Variants in TPH1 observed in about 807,000 individuals in gnomAD.
TPH1 encodes tryptophan 5-hydroxylase 1.
Under a neutral mutation model 49.5 loss-of-function variants are expected in TPH1, and 37 were observed. The ratio of observed to expected loss-of-function variants is 0.75; its 90% CI spans 0.58 to 0.98. The LOEUF (loss-of-function observed/expected upper bound fraction) is 0.98. TPH1 is among the 50% of genes least tolerant of loss of function. TPH1 has a pLI of 0.00. For missense variants in TPH1, 487 were observed against 523.6 expected (o/e 0.93, Z 0.68); for synonymous variants, 160 against 182.1 (o/e 0.88, Z 0.98).
chr11:18,025,774 G>A (rs946894949), intron 7 of TPH1, 73 bp from the exon 8 acceptor site: 103 of 1,575,404 alleles, frequency 6.5e-5, no homozygotes, highest in African/African-American at 1.1e-4. Context: ...CAATCAAATC[G>A]AAATCCAATA....
intron 1 of TPH1, 67 bp from the exon 2 acceptor site, chr11:18,040,855 C>A: frequency 7.0e-7 from 1 of 1,438,456 alleles, no homozygotes; most frequent in Non-Finnish European, 9.5e-7. Flanking sequence ...TATTTGATAA[C>A]TAAGGGCTCA....
intron 1 of TPH1, among the ~76,000 whole-genome samples, chr11:18,044,934 G>A (rs1038959466): frequency 3.9e-5 from 6 of 152,122 alleles, no homozygotes; most frequent in Non-Finnish European, 5.9e-5. Context: ...TTTTCCTACT[G>A]CGTCTCCTGG....
Position 18,023,964 on chromosome 11 carries a change from T to G in TPH1, c.950A>C (p.Glu317Ala), listed in dbSNP as rs1449651672. 2 of 1,612,832 alleles carry G rather than the reference T, an allele frequency of 1.2e-6. No homozygotes were observed. The highest frequency in any genetic ancestry group is 4.5e-5 in the East Asian group (2 of 44,806). ...KLATCYFFTV[E>A]FGLCKQDGQL... ...TCCATCTTGTTTACATAGACCAAACTCCACAGTGAAAAAGTAGCACTGCAA... is the reference window on the plus strand; with the variant it reads ...TCCATCTTGTTTACATAGACCAAACGCCACAGTGAAAAAGTAGCACTGCAA... The change falls in exon 9 of 11, where the codon GAG becomes GCG. Residue 317 changes from glutamate (E) to alanine (A), a missense_variant. Transcript: ENST00000682019.
At chr11:18,036,836 G>A (rs1848051956) in intron 2 of TPH1, among the ~76,000 whole-genome samples, 2 of 152,168 alleles carry the variant, frequency 1.3e-5, no homozygotes, top group Admixed American at 6.5e-5. Flanking sequence ...ACTAACCAGT[G>A]CATCCTAAAA....
At chr11:18,044,611 T>C (rs1156796195) in intron 1 of TPH1, among the ~76,000 whole-genome samples, 1 of 152,114 alleles carries the variant, frequency 6.6e-6, no homozygotes, top group Non-Finnish European at 1.5e-5. Flanking sequence ...GCCATAACTT[T>C]GCTTGGTTGA....
At chr11:18,038,692 G>C (rs1025536285) in intron 2 of TPH1, among the ~76,000 whole-genome samples, 2 of 152,204 alleles carry the variant, frequency 1.3e-5, no homozygotes, top group African/African-American at 4.8e-5. Flanking sequence ...ACTTTGGAAT[G>C]AAGAGAGATG....
chr11:18,033,411 A>T (rs751828281), intron 3 of TPH1, 37 bp from the exon 4 acceptor site: 30 of 1,451,034 alleles, frequency 2.1e-5, no homozygotes, highest in Non-Finnish European at 2.8e-5. Flanking sequence ...AAAAACCAGT[A>T]AAAGTTGAAG....
chr11:18,038,659 A>T (rs539206223), intron 2 of TPH1, among the ~76,000 whole-genome samples: 1 of 152,360 alleles, frequency 6.6e-6, no homozygotes, highest in South Asian at 2.1e-4. Flanking sequence ...TCTGCACACA[A>T]GGTTGCAAAA....
rs755655862 is a variant in TPH1 at position 18,026,550 on chromosome 11, C to T, written c.743G>A (p.Arg248Gln). Residue 248 changes from arginine to glutamine, a missense_variant, in exon 7 of 11, where the codon CGA becomes CAA. Coordinates refer to ENST00000682019, the MANE Select transcript of TPH1 (RefSeq NM_004179.3). ...PRDFLSGLAF[R>Q]VFHCTQYVRH... ...CACATATTGAGTGCAGTGAAAAACT[C>T]GAAAGGCTAAACCTGATAAGAAATC... 1.1e-5 allele frequency: 18 copies of T among 1,613,802 alleles called. No homozygotes were observed. Among genetic ancestry groups the T allele is most frequent in the Admixed American group, 3.3e-5 (2 of 59,968 alleles).
chr11:18,020,693 A>G lies in TPH1; in HGVS notation c.*298T>C, dbSNP rs184665926. On this transcript the variant is annotated 3_prime_UTR_variant, in exon 11 of 11. Transcript: ENST00000682019. ...AGTTAGGCTGAGATTAGATCTATCT[A>G]TTGGGTCAAACAACTTCTCTATTAA... 8.4e-6 allele frequency: 3 copies of G among 355,660 alleles called. No individual in the cohort carries two copies. Among genetic ancestry groups the G allele is most frequent in the African/African-American group, 2.1e-5 (1 of 47,824 alleles). 22.0% of individuals were successfully genotyped at this position (355,660 alleles called of 1,614,324 possible). A position where few individuals can be genotyped will look rare whatever the true frequency, so the allele number is the denominator to read the frequency against.
At chr11:18,036,775 A>G (rs1002840920) in intron 2 of TPH1, among the ~76,000 whole-genome samples, 1 of 152,196 alleles carries the variant, frequency 6.6e-6, no homozygotes, top group Admixed American at 6.5e-5. Flanking sequence ...TAATCACCCT[A>G]TAGTTTTTTC....
rs1031307666 is a variant in TPH1, at chr11:18,041,850, A to G, written c.-26-1062T>C. Among the ~76,000 whole-genome samples, 12 of 152,380 alleles carry G rather than the reference A, an allele frequency of 7.9e-5. 1 individual carries two copies. The East Asian group carries it at 1.9e-3, about 24-fold the overall frequency. On this transcript the variant is annotated intron_variant, in intron 1 of 10. Coordinates refer to ENST00000682019, the MANE Select transcript of TPH1 (RefSeq NM_004179.3). Reference sequence around the variant, plus strand: ...AATAATTACTAATGGTAAAACGAATAAAATTTCAACCCAAGCGCATTCACA... The same window carrying G: ...AATAATTACTAATGGTAAAACGAATGAAATTTCAACCCAAGCGCATTCACA...
chr11:18,033,120 G>T (rs556401648), intron 4 of TPH1, among the ~76,000 whole-genome samples, 154 bp downstream of exon 4: 1 of 152,124 alleles, frequency 6.6e-6, no homozygotes, highest in Admixed American at 6.5e-5. Flanking sequence ...GGGTGTGGTT[G>T]TGGGCACCTG....
In TPH1 at chr11:18,023,846, G is replaced by A. The variant is rs375470451; in HGVS notation, c.1026+42C>T. The A allele has an allele frequency of 1.1e-4, 162 of 1,468,550 alleles. 1 individual carries two copies. Among genetic ancestry groups the A allele is most frequent in the Middle Eastern group, 3.5e-4 (2 of 5,774 alleles). The allele number at this position is 1,468,550 out of a possible 1,614,324, so 91.0% of individuals were successfully genotyped here. On this transcript the variant is annotated intron_variant, in intron 9 of 10. Coordinates refer to ENST00000682019, the MANE Select transcript of TPH1 (RefSeq NM_004179.3). ...AACTATTTCAGGTTTTATCAATTAT[G>A]TTAGGTGAATATGGTTATATACAAA...
chr11:18,021,224 A>C, intron 10 of TPH1, 59 bp from the exon 11 acceptor site: 1 of 1,519,420 alleles, frequency 6.6e-7, no homozygotes, highest in Non-Finnish European at 9.1e-7. Context: ...ATGAAAACTA[A>C]ACAAACAACA....
At chr11:18,042,911 A>C (rs1848110961) in intron 1 of TPH1, among the ~76,000 whole-genome samples, 1 of 152,238 alleles carries the variant, frequency 6.6e-6, no homozygotes, top group African/African-American at 2.4e-5. Context: ...GTTTTGTATC[A>C]AGGTGATTTC....
chr11:18,035,962 C>T lies in TPH1; in HGVS notation c.298G>A (p.Asp100Asn), dbSNP rs763319015. 1 of 1,610,814 alleles carries T rather than the reference C, an allele frequency of 6.2e-7. No individual in the cohort carries two copies. The highest frequency in any genetic ancestry group is 1.7e-5 in the Admixed American group (1 of 60,020). ...NLPDNFTLKE[D>N]GMETVPWFPK... ...TATTTTCACATTTTGAACTTACCAT[C>T]TTCCTTCAAAGTAAAATTATCTGGT... is the stretch of plus-strand genomic sequence containing the variant. The change falls in exon 3 of 11, where the codon GAT becomes AAT. Residue 100 changes from aspartate to asparagine, a missense_variant. By Grantham distance (23) the Asp-to-Asn change is conservative (BLOSUM62 1). Coordinates refer to ENST00000682019, the MANE Select transcript of TPH1 (RefSeq NM_004179.3).
At position 18,020,868 on chromosome 11, in the gene TPH1, G is replaced by T; in HGVS notation, c.*123C>A. ...AAAGACTAGTGATTCCTTAAGTAGTGGAATTCGATAATATTGTTTGGCCAG... is the reference window on the plus strand; with the variant it reads ...AAAGACTAGTGATTCCTTAAGTAGTTGAATTCGATAATATTGTTTGGCCAG... On this transcript the variant is annotated 3_prime_UTR_variant, in exon 11 of 11. Coordinates refer to ENST00000682019, the MANE Select transcript of TPH1 (RefSeq NM_004179.3). 1.1e-6 allele frequency: 1 copy of T among 888,198 alleles called. No homozygotes were observed. The highest frequency in any genetic ancestry group is 1.9e-6 in the Non-Finnish European group (1 of 532,954). The allele number at this position is 888,198 out of a possible 1,614,324, so 55.0% of individuals were successfully genotyped here. A position where few individuals can be genotyped will look rare whatever the true frequency, so the allele number is the denominator to read the frequency against.
intron 1 of TPH1, among the ~76,000 whole-genome samples, chr11:18,045,032 G>A (rs766882847): frequency 6.6e-6 from 1 of 152,136 alleles, no homozygotes; most frequent in Non-Finnish European, 1.5e-5. Flanking sequence ...CCCGACCCTT[G>A]GGAGAGGTCA....
Sources: gnomAD v4.1 joint callset for allele counts (sites outside exome capture counted in the v4.1 genomes callset) on GRCh38, gnomAD v4.1.1 for gene constraint, MANE v1.5 for transcripts, NCBI Gene and HGNC (gene_info 2026-07-23, HGNC 2026-07-21) for gene names.